Variants in GPM6A observed in about 807,000 individuals in gnomAD.
The protein encoded by GPM6A is glycoprotein M6A, also known as neuronal membrane glycoprotein M6-a.
Under a neutral mutation model 32.1 loss-of-function variants are expected in GPM6A, and 7 were observed. That is an observed-to-expected ratio of 0.22 (90% CI 0.12 to 0.41). The LOEUF is 0.41. Ranked by LOEUF, GPM6A falls within the 10% of genes least tolerant of loss-of-function variation. The pLI is 1.00. For synonymous variants in GPM6A, 130 were observed against 123.4 expected (o/e 1.05, Z -0.35); for missense variants, 235 against 347.2 (o/e 0.68, Z 2.57).
intron 1 of GPM6A, among the ~76,000 whole-genome samples, chr4:175,923,236 TATATATATATAC>T (rs760540508): frequency 0.12 from 3,936 of 32,412 alleles, 200 homozygotes; most frequent in African/African-American, 0.19. Context: ...TATATATATA[TATATATATATAC>T]ACAACATACA....
chr4:175,637,678 T>TA (rs1740843871), intron 6 of GPM6A, among the ~76,000 whole-genome samples: 1 of 1,336 alleles, frequency 7.5e-4, no homozygotes, highest in Non-Finnish European at 2.1e-3. Context: ...ATATATAATA[T>TA]ATATATAATA....
intron 1 of GPM6A, among the ~76,000 whole-genome samples, chr4:175,837,302 G>A (rs956347089): frequency 1.3e-5 from 2 of 152,152 alleles, no homozygotes; most frequent in African/African-American, 4.8e-5. Flanking sequence ...TTAGCCCAGC[G>A]AGACTCCTTT....
chr4:175,640,095 T>C (rs925865804), intron 6 of GPM6A, 34 bp downstream of exon 6: 7 of 1,540,982 alleles, frequency 4.5e-6, no homozygotes, highest in Middle Eastern at 3.4e-4. Flanking sequence ...GGAATTCACA[T>C]TGAAAACCAA....
At chr4:175,848,102 T>C (rs1056533905) in intron 1 of GPM6A, among the ~76,000 whole-genome samples, 6 of 152,214 alleles carry the variant, frequency 3.9e-5, no homozygotes, top group Non-Finnish European at 5.9e-5. Context: ...CATTGTTAAT[T>C]GGCAAAAAGC....
At chr4:175,798,212 CTAAG>C (rs1315476204) in intron 1 of GPM6A, among the ~76,000 whole-genome samples, 6 of 152,208 alleles carry the variant, frequency 3.9e-5, no homozygotes, top group African/African-American at 1.4e-4. Context: ...AGTCACTCTT[CTAAG>C]TTATTCATTT....
intron 1 of GPM6A, among the ~76,000 whole-genome samples, chr4:175,854,298 C>T (rs947130131): frequency 2.0e-5 from 3 of 151,966 alleles, no homozygotes; most frequent in Admixed American, 6.6e-5. Context: ...CATGAAGGCT[C>T]GAACTAAAAG....
intron 1 of GPM6A, among the ~76,000 whole-genome samples, chr4:175,873,000 TA>T (rs1264500208): frequency 1.3e-5 from 2 of 152,166 alleles, no homozygotes; most frequent in Non-Finnish European, 2.9e-5. Flanking sequence ...TGATTTTATT[TA>T]AGGTATTTGG....
chr4:175,974,022 C>G (rs1740585307), intron 1 of GPM6A, among the ~76,000 whole-genome samples: 1 of 152,078 alleles, frequency 6.6e-6, no homozygotes. Flanking sequence ...CACCTGAGGT[C>G]AGCAGTTTGA....
Position 175,633,324 on chromosome 4 carries a change from A to C in GPM6A, c.*1581T>G, listed in dbSNP as rs1740405806. ...AGAAAAGGAAGCAAAATGAACCCCA[A>C]ATTAATTAAATAATACTACGGAATG... On this transcript the variant is annotated 3_prime_UTR_variant, in exon 7 of 7. Transcript: ENST00000393658. 6.6e-6 allele frequency: 1 copy of C among 152,464 alleles called. No individual in the cohort carries two copies. Among genetic ancestry groups the C allele is most frequent in the African/African-American group, 2.4e-5 (1 of 41,432 alleles). 9.4% of individuals were successfully genotyped at this position (152,464 alleles called of 1,614,324 possible).
chr4:175,909,331 G>C (rs1227465129), intron 1 of GPM6A, among the ~76,000 whole-genome samples: 2 of 152,128 alleles, frequency 1.3e-5, no homozygotes, highest in Non-Finnish European at 2.9e-5. Context: ...ATTTGGATAA[G>C]TAGTCATACT....
chr4:175,797,993 A>G (rs1218401863), intron 1 of GPM6A, among the ~76,000 whole-genome samples: 1 of 152,180 alleles, frequency 6.6e-6, no homozygotes. Context: ...AGAAATGCAG[A>G]TTCCTGGGCC....
chr4:175,750,060 C>T (rs1332270857), intron 1 of GPM6A, among the ~76,000 whole-genome samples: 2 of 151,910 alleles, frequency 1.3e-5, no homozygotes, highest in African/African-American at 4.8e-5. Context: ...CGAAGTGAAC[C>T]TATTGCTTTT....
chr4:175,810,912 G>A (rs1678675913), intron 1 of GPM6A, among the ~76,000 whole-genome samples: 1 of 152,076 alleles, frequency 6.6e-6, no homozygotes, highest in African/African-American at 2.4e-5. Flanking sequence ...TAGATCACAT[G>A]CTATTAATGT....
chr4:175,730,693 C>G (rs7656509), intron 1 of GPM6A, among the ~76,000 whole-genome samples: 1 of 151,890 alleles, frequency 6.6e-6, no homozygotes, highest in East Asian at 1.9e-4. Context: ...AGGATGGTCT[C>G]GATCTCCTGA....
chr4:175,873,560 T>G (rs1281107687), intron 1 of GPM6A, among the ~76,000 whole-genome samples: 2 of 152,160 alleles, frequency 1.3e-5, no homozygotes, highest in Non-Finnish European at 2.9e-5. Flanking sequence ...AATCAAAGAT[T>G]TAAAAGACTG....
At chr4:175,696,452 G>C (rs1744583197) in intron 2 of GPM6A, among the ~76,000 whole-genome samples, 1 of 152,040 alleles carries the variant, frequency 6.6e-6, no homozygotes, top group Non-Finnish European at 1.5e-5. Flanking sequence ...TTGGTGTTTT[G>C]AGGTTTTTAA....
chr4:175,871,336 A>G (rs1199684948), intron 1 of GPM6A, among the ~76,000 whole-genome samples: 1 of 151,954 alleles, frequency 6.6e-6, no homozygotes, highest in Non-Finnish European at 1.5e-5. Flanking sequence ...CGGATGTGGT[A>G]GTGGATGCCT....
At chr4:175,901,028 T>A (rs1450699876) in intron 1 of GPM6A, among the ~76,000 whole-genome samples, 1 of 151,928 alleles carries the variant, frequency 6.6e-6, no homozygotes, top group African/African-American at 2.4e-5. Flanking sequence ...GGCACAGAAA[T>A]ACAAATATCA....
intron 1 of GPM6A, chr4:175,787,767 T>C (rs1237275427): frequency 7.8e-6 from 2 of 256,792 alleles, no homozygotes; most frequent in African/African-American, 2.3e-5. Context: ...CATTTTAAAA[T>C]GACAGCTTTA....
Sources: gnomAD v4.1 joint callset for allele counts (sites outside exome capture counted in the v4.1 genomes callset) on GRCh38, gnomAD v4.1.1 for gene constraint, MANE v1.5 for transcripts, NCBI Gene and HGNC (gene_info 2026-07-23, HGNC 2026-07-21) for gene names.